The following ZFAND3 variants were observed in gnomAD, a reference collection of about 807,000 sequenced individuals.
The protein encoded by ZFAND3 is zinc finger AN1-type containing 3, also known as AN1-type zinc finger protein 3.
Under a neutral mutation model 29.6 loss-of-function variants are expected in ZFAND3, and 10 were observed. The observed-to-expected ratio is 0.34, with a 90% CI of 0.21 to 0.57. The LOEUF (loss-of-function observed/expected upper bound fraction) is 0.57, where lower values mean the gene tolerates loss of function less well. Among genes scored for constraint, ZFAND3 ranks in the 20% least tolerant of loss-of-function variants. The probability of loss-of-function intolerance (pLI) is 0.86; values close to 1 mark genes in which losing one functional copy is unlikely to be tolerated. For missense variants in ZFAND3, 230 were observed against 304.5 expected (o/e 0.76, Z 1.82); for synonymous variants, 128 against 112.6 (o/e 1.14, Z -0.87).
chr6:38,076,621 T>G (rs2127468947), intron 3 of ZFAND3, among the ~76,000 whole-genome samples: 1 of 152,344 alleles, frequency 6.6e-6, no homozygotes, highest in South Asian at 2.1e-4. Flanking sequence ...AGATTAACAC[T>G]TAGATTCCTT....
At chr6:37,886,298 GT>G (rs1581734803) in intron 1 of ZFAND3, among the ~76,000 whole-genome samples, 1 of 137,122 alleles carries the variant, frequency 7.3e-6, no homozygotes, top group East Asian at 2.2e-4. Flanking sequence ...AGAATATGCT[GT>G]TACTCAACCT....
At chr6:37,947,386 TGTG>T (rs1294649548) in intron 2 of ZFAND3, among the ~76,000 whole-genome samples, 1 of 152,180 alleles carries the variant, frequency 6.6e-6, no homozygotes, top group Non-Finnish European at 1.5e-5. Context: ...ATTAAAAAGT[TGTG>T]GTGGCTTAGA....
rs1243618342 is a variant in ZFAND3, at chr6:37,913,729, A to G, written c.72-16230A>G. Among the ~76,000 whole-genome samples, 6 of 62,030 alleles carry G rather than the reference A, an allele frequency of 9.7e-5. 1 individual carries two copies. In the South Asian group the frequency reaches 1.3e-3, roughly 13 times the overall value. 40.7% of individuals were successfully genotyped at this position (62,030 alleles called of 152,430 possible). ...TATTCTTTTTTTTTTTTTTTTTTTG[A>G]GACAGAGTTTTGCTCTTGTTGCCCA... On this transcript the variant is annotated intron_variant, in intron 1 of 5. Coordinates refer to ENST00000287218, the MANE Select transcript of ZFAND3 (RefSeq NM_021943.3).
At chr6:37,862,231 T>C (rs992938043) in intron 1 of ZFAND3, among the ~76,000 whole-genome samples, 1 of 152,172 alleles carries the variant, frequency 6.6e-6, no homozygotes, top group African/African-American at 2.4e-5. Context: ...TTTATTAATA[T>C]TGCAAAGTTC....
chr6:37,960,716 T>C (rs1307988750), intron 2 of ZFAND3, among the ~76,000 whole-genome samples: 3 of 152,222 alleles, frequency 2.0e-5, no homozygotes, highest in Non-Finnish European at 4.4e-5. Context: ...TCACAGTTTT[T>C]ACTCATCTCC....
At chr6:37,995,988 G>T (rs1274973935) in intron 2 of ZFAND3, among the ~76,000 whole-genome samples, 1 of 151,902 alleles carries the variant, frequency 6.6e-6, no homozygotes, top group African/African-American at 2.4e-5. Context: ...AATTAGCCGG[G>T]CGTGGTGGTG....
intron 1 of ZFAND3, among the ~76,000 whole-genome samples, chr6:37,896,582 C>CTCTTTCTCTTTT (rs1765221054): frequency 1.1e-5 from 1 of 92,816 alleles, no homozygotes; most frequent in African/African-American, 5.1e-5. Flanking sequence ...CTCTTTCTCT[C>CTCTTTCTCTTTT]TCTTTCTCTT....
intron 2 of ZFAND3, among the ~76,000 whole-genome samples, chr6:38,051,819 A>G (rs375867363): frequency 2.6e-5 from 4 of 152,360 alleles, no homozygotes; most frequent in African/African-American, 9.6e-5. Context: ...GAAATGAGGT[A>G]AATGTACATG....
intron 2 of ZFAND3, among the ~76,000 whole-genome samples, chr6:38,035,186 G>GT (rs1763635106): frequency 6.6e-6 from 1 of 152,042 alleles, no homozygotes. Flanking sequence ...GCTGAAGTGT[G>GT]TAACTCGAGA....
At chr6:38,136,016 G>A (rs1255800026) in intron 5 of ZFAND3, among the ~76,000 whole-genome samples, 1 of 152,190 alleles carries the variant, frequency 6.6e-6, no homozygotes, top group East Asian at 1.9e-4. Context: ...AAGAGACACA[G>A]TAGAGAAGGA....
chr6:38,078,318 T>C (rs1764592716), intron 3 of ZFAND3, among the ~76,000 whole-genome samples: 1 of 152,206 alleles, frequency 6.6e-6, no homozygotes, highest in African/African-American at 2.4e-5. Context: ...ACAAACCAGT[T>C]ACCAGAGGCT....
intron 2 of ZFAND3, among the ~76,000 whole-genome samples, chr6:37,946,919 T>C (rs1361717056): frequency 1.3e-5 from 2 of 152,020 alleles, no homozygotes; most frequent in Non-Finnish European, 2.9e-5. Flanking sequence ...AGAAAGTCAA[T>C]TTGGGAAGAT....
At chr6:37,838,654 C>G (rs1029323243) in intron 1 of ZFAND3, among the ~76,000 whole-genome samples, 1 of 152,140 alleles carries the variant, frequency 6.6e-6, no homozygotes, top group African/African-American at 2.4e-5. Flanking sequence ...TAGTGTACTT[C>G]ATGTCTTTTT....
intron 2 of ZFAND3, among the ~76,000 whole-genome samples, chr6:38,041,162 G>T (rs1164935975): frequency 6.6e-6 from 1 of 152,042 alleles, no homozygotes; most frequent in Non-Finnish European, 1.5e-5. Context: ...TTGAAATTAC[G>T]CATTTTAGGG....
chr6:37,849,919 G>A (rs1764252178), intron 1 of ZFAND3, among the ~76,000 whole-genome samples: 2 of 152,172 alleles, frequency 1.3e-5, no homozygotes, highest in African/African-American at 4.8e-5. Context: ...TCACCTAAAT[G>A]TGATTGCTTT....
At chr6:37,820,046 GC>G in intron 1 of ZFAND3, 30 bp downstream of exon 1, 3 of 1,002,354 alleles carry the variant, frequency 3.0e-6, no homozygotes, top group Non-Finnish European at 2.5e-6. Flanking sequence ...GGGGCGGGGG[GC>G]GGGGGCCGGG....
At chr6:38,078,266 C>T (rs1764591890) in intron 3 of ZFAND3, among the ~76,000 whole-genome samples, 1 of 152,096 alleles carries the variant, frequency 6.6e-6, no homozygotes, top group Non-Finnish European at 1.5e-5. Flanking sequence ...AGAATAGAAA[C>T]ATCCCTAGAA....
intron 1 of ZFAND3, among the ~76,000 whole-genome samples, chr6:37,823,749 G>A (rs1212636): frequency 0.63 from 96,287 of 151,918 alleles, 31,290 homozygotes; most frequent in African/African-American, 0.75. Flanking sequence ...ACCAGTTGAT[G>A]ATAAAGTTGC....
chr6:38,145,378 A>T (rs949462397), intron 5 of ZFAND3, among the ~76,000 whole-genome samples: 1 of 152,138 alleles, frequency 6.6e-6, no homozygotes, highest in Non-Finnish European at 1.5e-5. Flanking sequence ...AGTGAGTGAG[A>T]TGTTGTTACA....
Sources: gnomAD v4.1 joint callset for allele counts (sites outside exome capture counted in the v4.1 genomes callset) on GRCh38, gnomAD v4.1.1 for gene constraint, MANE v1.5 for transcripts, NCBI Gene and HGNC (gene_info 2026-07-23, HGNC 2026-07-21) for gene names.